CFAP97: variants seen among roughly 807,000 people sequenced by gnomAD.
CFAP97 encodes the protein cilia and flagella associated protein 97.
A neutral mutation model predicts 43.1 loss-of-function variants in CFAP97; 36 were observed. That is an observed-to-expected ratio of 0.84 (90% CI 0.64 to 1.10). The LOEUF is 1.10. Among genes scored for constraint, CFAP97 ranks in the 50% least tolerant of loss-of-function variants. The probability of loss-of-function intolerance (pLI) is 0.00; values close to 1 mark genes in which losing one functional copy is unlikely to be tolerated. For synonymous variants in CFAP97, 228 were observed against 225.7 expected, an observed-to-expected ratio of 1.01 and a Z score of -0.09; for missense variants, 657 against 620.3, an observed-to-expected ratio of 1.06 and a Z score of -0.63.
intron 2 of CFAP97, among the ~76,000 whole-genome samples, chr4:185,186,699 C>T (rs1004671304): frequency 1.3e-5 from 2 of 152,040 alleles, no homozygotes; most frequent in African/African-American, 4.8e-5. Flanking sequence ...TCATGACATA[C>T]ATTACTTACA....
chr4:185,186,733 T>C (rs952554852), intron 2 of CFAP97, among the ~76,000 whole-genome samples: 8 of 152,186 alleles, frequency 5.3e-5, no homozygotes, highest in Non-Finnish European at 8.8e-5. Flanking sequence ...ACATAATGAG[T>C]TTATTACTAC....
intron 1 of CFAP97, among the ~76,000 whole-genome samples, chr4:185,191,848 A>T (rs1032145721): frequency 6.6e-6 from 1 of 152,176 alleles, no homozygotes; most frequent in African/African-American, 2.4e-5. Flanking sequence ...AAACAAAAAC[A>T]AAAACAAAAA....
At chr4:185,203,136 G>GA (rs1370083068) in intron 1 of CFAP97, among the ~76,000 whole-genome samples, 281 of 152,288 alleles carry the variant, frequency 1.8e-3, no homozygotes, top group Non-Finnish European at 2.9e-3. Flanking sequence ...GGAGTTGGGA[G>GA]GCTGCAGTGA....
intron 3 of CFAP97, among the ~76,000 whole-genome samples, chr4:185,164,869 GCA>G (rs1735007888): frequency 6.6e-6 from 1 of 152,308 alleles, no homozygotes; most frequent in African/African-American, 2.4e-5. Flanking sequence ...CTAGGAATGA[GCA>G]CACACATATG....
intron 1 of CFAP97, 66 bp downstream of exon 1, chr4:185,203,832 G>T (rs942304394): frequency 3.3e-5 from 5 of 152,004 alleles, no homozygotes; most frequent in African/African-American, 1.2e-4. Context: ...AGACGGATGC[G>T]AACGGAAAGG....
At chr4:185,162,956 A>C (rs770988835) in intron 4 of CFAP97, 31 bp from the exon 5 acceptor site, 177 of 1,502,652 alleles carry the variant, frequency 1.2e-4, no homozygotes, top group Non-Finnish European at 1.5e-4. Flanking sequence ...AATATCTGAG[A>C]AACTTCTCCT....
chr4:185,175,893 G>C lies in CFAP97; in HGVS notation c.1213C>G (p.Pro405Ala). Reference sequence around the variant, plus strand: ...CTAGGAATTGTACTTTTGCTTCCCGGCTTTTCCGCCTGTCTTGACAGTTCT... The same window carrying C: ...CTAGGAATTGTACTTTTGCTTCCCGCCTTTTCCGCCTGTCTTGACAGTTCT... ...LKELSRQAEK[P>A]GSKSTIPRSA... The change falls in exon 3 of 5, where the codon CCG (proline) becomes GCG (alanine). Residue 405 changes from proline (P) to alanine (A), a missense_variant. Pro to Ala is a conservative substitution (Grantham distance 27). Coordinates refer to ENST00000458385, the MANE Select transcript of CFAP97 (RefSeq NM_020827.3). The C allele has an allele frequency of 6.2e-7, 1 of 1,613,810 alleles. No individual in the cohort carries two copies. Among genetic ancestry groups the C allele is most frequent in the Non-Finnish European group, 8.5e-7 (1 of 1,179,866 alleles).
chr4:185,165,219 C>T (rs116542549), intron 3 of CFAP97, among the ~76,000 whole-genome samples: 5,943 of 152,130 alleles, frequency 0.039, 379 homozygotes, highest in African/African-American at 0.13. Context: ...GAGCCCGGGG[C>T]GGGTGGATGA....
At chr4:185,195,860 A>C (rs1040365578) in intron 1 of CFAP97, among the ~76,000 whole-genome samples, 9 of 152,184 alleles carry the variant, frequency 5.9e-5, no homozygotes, top group African/African-American at 2.2e-4. Flanking sequence ...TTTTTTTGTG[A>C]GATAATTCAC....
intron 2 of CFAP97, 34 bp downstream of exon 2, chr4:185,190,109 T>G: frequency 6.8e-7 from 1 of 1,468,604 alleles, no homozygotes; most frequent in Non-Finnish European, 9.2e-7. Flanking sequence ...ATATAATATT[T>G]AAACACACAT....
Position 185,209,090 on chromosome 4 carries a change from A to T in CFAP97, c.-74+235T>A, listed in dbSNP as rs1362180812. On this transcript the variant is annotated intron_variant, in intron 1 of 2. Transcript: ENST00000503223. This position sits in a 1 kb window ranked among gnomAD's most constrained non-coding sequence, Gnocchi z 5.2. ...TGTTGCACCAGGCCGACTTCTTTGGACCTTTCCATAGCTAGGAATTGCAGG... is the reference window on the plus strand; with the variant it reads ...TGTTGCACCAGGCCGACTTCTTTGGTCCTTTCCATAGCTAGGAATTGCAGG... Among the ~76,000 whole-genome samples the T allele has an allele frequency of 6.6e-6, 1 of 152,144 alleles. No homozygotes were observed.
At chr4:185,171,378 G>C (rs1181722927) in intron 3 of CFAP97, among the ~76,000 whole-genome samples, 1 of 151,870 alleles carries the variant, frequency 6.6e-6, no homozygotes, top group East Asian at 1.9e-4. Context: ...AAATAACTAA[G>C]GACTATTTTA....
rs986129439 is a variant in CFAP97 at position 185,161,540 on chromosome 4, T to G, written c.*1258A>C. ...AAGGGCATACTGAAAAGGCTAGTAG[T>G]GAAAAACGGCGGTAACAATGAGATA... On this transcript the variant is annotated 3_prime_UTR_variant, in exon 5 of 5. Transcript: ENST00000458385. 1.1e-4 allele frequency: 17 copies of G among 152,286 alleles called. No homozygotes were observed. The highest frequency in any genetic ancestry group is 3.9e-4 in the African/African-American group (16 of 41,556). 9.4% of individuals were successfully genotyped at this position (152,286 alleles called of 1,614,324 possible). A position where few individuals can be genotyped will look rare whatever the true frequency, so the allele number is the denominator to read the frequency against.
At chr4:185,164,273 C>CA in intron 3 of CFAP97, 94 bp from the exon 4 acceptor site, 3 of 993,386 alleles carry the variant, frequency 3.0e-6, no homozygotes, top group Admixed American at 2.9e-5. Flanking sequence ...CACTTTCTTT[C>CA]TTTTTTTTTT....
intron 1 of CFAP97, among the ~76,000 whole-genome samples, chr4:185,195,361 G>T (rs768565693): frequency 1.3e-4 from 19 of 151,968 alleles, no homozygotes; most frequent in Non-Finnish European, 2.6e-4. Context: ...GGTGTGCCTG[G>T]AGTCCCAGCT....
intron 3 of CFAP97, among the ~76,000 whole-genome samples, chr4:185,164,949 G>A (rs1735010983): frequency 6.6e-6 from 1 of 152,206 alleles, no homozygotes; most frequent in African/African-American, 2.4e-5. Flanking sequence ...CTTTGCAGTA[G>A]TGCCTCAAGG....
At chr4:185,170,367 C>A (rs1237551085) in intron 3 of CFAP97, 6 of 493,450 alleles carry the variant, frequency 1.2e-5, no homozygotes, top group African/African-American at 1.2e-4. Context: ...AATAAAGTTA[C>A]TCCTGTATAC....
intron 3 of CFAP97, chr4:185,169,947 G>A (rs1560856043): frequency 9.9e-7 from 1 of 1,011,618 alleles, no homozygotes; most frequent in Non-Finnish European, 1.2e-6. Flanking sequence ...CAAAAGTACT[G>A]TTAATCAACA....
chr4:185,194,164 G>T lies in CFAP97; in HGVS notation c.-16-2952C>A, dbSNP rs1358314854. Among the ~76,000 whole-genome samples the T allele has an allele frequency of 2.6e-5, 4 of 152,288 alleles. No homozygotes were observed. The East Asian group carries it at 7.7e-4, about 29-fold the overall frequency. On this transcript the variant is annotated intron_variant, in intron 1 of 4. Transcript: ENST00000458385. ...TGATTGAGACCCTATGGCCCACAGA[G>T]ACTAAAATACTTAGCATCTGATCCC...
Sources: allele counts gnomAD v4.1 joint callset (sites outside exome capture counted in the v4.1 genomes callset), GRCh38; gene constraint gnomAD v4.1.1; non-coding constraint Gnocchi (gnomAD v3.1); transcripts MANE v1.5; gene names NCBI Gene and HGNC (gene_info 2026-07-23, HGNC 2026-07-21).